The following ROBO1 variants were observed in gnomAD, a reference collection of about 807,000 sequenced individuals.
The protein encoded by ROBO1 is roundabout guidance receptor 1, also known as roundabout homolog 1.
In ROBO1, 149 loss-of-function variants were observed where a neutral mutation model predicts 195.9. The ratio of observed to expected loss-of-function variants is 0.76; its 90% CI spans 0.67 to 0.87. The LOEUF (loss-of-function observed/expected upper bound fraction) is 0.87, where lower values mean the gene tolerates loss of function less well. Among genes scored for constraint, ROBO1 ranks in the 40% least tolerant of loss-of-function variants. ROBO1 has a pLI of 0.00. For missense variants in ROBO1, 1,933 were observed against 2,068.3 expected, an observed-to-expected ratio of 0.93 and a Z score of 1.27; for synonymous variants, 816 against 733.2, an observed-to-expected ratio of 1.11 and a Z score of -1.82.
At chr3:78,887,953 GA>G (rs978907938) in intron 4 of ROBO1, among the ~76,000 whole-genome samples, 1 of 151,566 alleles carries the variant, frequency 6.6e-6, no homozygotes, top group African/African-American at 2.4e-5. Context: ...CAAAAAAAAA[GA>G]AAAAAAACCT....
intron 1 of ROBO1, among the ~76,000 whole-genome samples, chr3:79,692,225 A>C (rs1349245894): frequency 6.6e-6 from 1 of 151,928 alleles, no homozygotes; most frequent in Non-Finnish European, 1.5e-5. Context: ...CAAAGCAGGA[A>C]GTATCCATAG....
At chr3:79,569,636 T>G (rs1037915676) in intron 2 of ROBO1, among the ~76,000 whole-genome samples, 1 of 145,682 alleles carries the variant, frequency 6.9e-6, no homozygotes, top group African/African-American at 2.7e-5. Context: ...AATGATTATA[T>G]GTATAGATAT....
chr3:79,509,846 G>C (rs1020549934), intron 2 of ROBO1, among the ~76,000 whole-genome samples: 17 of 151,460 alleles, frequency 1.1e-4, no homozygotes, highest in Admixed American at 9.9e-4. Flanking sequence ...TGATACTTCT[G>C]CTTCTTATTA....
At chr3:79,676,163 C>T (rs1046221057) in intron 1 of ROBO1, among the ~76,000 whole-genome samples, 7 of 151,984 alleles carry the variant, frequency 4.6e-5, no homozygotes, top group African/African-American at 1.7e-4. Flanking sequence ...CCCATTTTGT[C>T]ACAACTGTCC....
intron 5 of ROBO1, among the ~76,000 whole-genome samples, chr3:78,736,964 A>G (rs1168170887): frequency 6.6e-6 from 1 of 152,178 alleles, no homozygotes; most frequent in Admixed American, 6.5e-5. Flanking sequence ...TCCCCTAAGG[A>G]TAATACGTAA....
intron 2 of ROBO1, among the ~76,000 whole-genome samples, chr3:79,414,711 G>A (rs1454805139): frequency 6.6e-6 from 1 of 152,084 alleles, no homozygotes; most frequent in Admixed American, 6.6e-5. Context: ...TAGGTCATAA[G>A]TATTGAGAGA....
chr3:78,867,286 A>G (rs2035240399), intron 4 of ROBO1, among the ~76,000 whole-genome samples: 1 of 152,156 alleles, frequency 6.6e-6, no homozygotes, highest in South Asian at 2.1e-4. Flanking sequence ...ATTACCTTAG[A>G]AGTATTTGTT....
intron 30 of ROBO1, 73 bp from the exon 31 acceptor site, chr3:78,599,000 T>C (rs1703006679): frequency 8.5e-6 from 7 of 825,964 alleles, no homozygotes; most frequent in South Asian, 2.1e-5. Context: ...TTTATATGCA[T>C]TTATTATTAT....
At chr3:78,756,040 T>C (rs1196187342) in intron 4 of ROBO1, among the ~76,000 whole-genome samples, 1 of 152,124 alleles carries the variant, frequency 6.6e-6, no homozygotes, top group Non-Finnish European at 1.5e-5. Flanking sequence ...ATTTTTTAAC[T>C]GAAAAACTCA....
At chr3:79,458,061 T>C (rs942398403) in intron 2 of ROBO1, among the ~76,000 whole-genome samples, 1 of 151,988 alleles carries the variant, frequency 6.6e-6, no homozygotes, top group East Asian at 1.9e-4. Context: ...ATTCTAGGAG[T>C]TAAGAGGCTT....
chr3:79,562,645 A>T (rs996257679), intron 2 of ROBO1, among the ~76,000 whole-genome samples: 10 of 152,096 alleles, frequency 6.6e-5, no homozygotes, highest in Non-Finnish European at 1.5e-4. Flanking sequence ...TTAATTAAAT[A>T]ATAAGGAGAT....
chr3:78,709,903 C>T (rs933141919), intron 8 of ROBO1, among the ~76,000 whole-genome samples: 3 of 152,132 alleles, frequency 2.0e-5, no homozygotes, highest in Non-Finnish European at 4.4e-5. Flanking sequence ...AATAACACTC[C>T]AATGCACATG....
chr3:79,739,052 TA>T (rs1703510421), intron 1 of ROBO1, among the ~76,000 whole-genome samples: 1 of 152,212 alleles, frequency 6.6e-6, no homozygotes, highest in Admixed American at 6.5e-5. Context: ...GATTTCCTCA[TA>T]ATCACCCAGA....
intron 2 of ROBO1, among the ~76,000 whole-genome samples, chr3:79,388,481 C>A (rs1181011330): frequency 6.6e-6 from 1 of 151,472 alleles, no homozygotes; most frequent in African/African-American, 2.4e-5. Flanking sequence ...TAAAATAATT[C>A]TGTGGTATAA....
chr3:78,681,757 T>C (rs1463016228), intron 10 of ROBO1, among the ~76,000 whole-genome samples: 6 of 151,826 alleles, frequency 4.0e-5, no homozygotes, highest in African/African-American at 1.2e-4. Flanking sequence ...CAAAAATTAG[T>C]CGGGCGTGGT....
chr3:79,721,253 G>C (rs1408215862), intron 1 of ROBO1, among the ~76,000 whole-genome samples: 4 of 152,142 alleles, frequency 2.6e-5, no homozygotes, highest in Non-Finnish European at 5.9e-5. Flanking sequence ...TAATTATGGA[G>C]ATAATTACTC....
intron 2 of ROBO1, among the ~76,000 whole-genome samples, chr3:79,157,956 T>C (rs188504864): frequency 1.3e-5 from 2 of 152,062 alleles, no homozygotes; most frequent in East Asian, 3.9e-4. Context: ...CATATGCAGA[T>C]AGCAGTTTAT....
chr3:79,063,939 G>T (rs181791132), intron 3 of ROBO1, among the ~76,000 whole-genome samples: 1 of 151,900 alleles, frequency 6.6e-6, no homozygotes, highest in East Asian at 1.9e-4. Context: ...AGGCTGGGGA[G>T]GAGAGATGGC....
At chr3:79,719,939 T>C (rs1702633293) in intron 1 of ROBO1, among the ~76,000 whole-genome samples, 1 of 152,206 alleles carries the variant, frequency 6.6e-6, no homozygotes, top group Non-Finnish European at 1.5e-5. Flanking sequence ...TAGATCCTTT[T>C]GGTAGTTGGG....
Sources: gnomAD v4.1 joint callset for allele counts (sites outside exome capture counted in the v4.1 genomes callset) on GRCh38, gnomAD v4.1.1 for gene constraint, MANE v1.5 for transcripts, NCBI Gene and HGNC (gene_info 2026-07-23, HGNC 2026-07-21) for gene names.